The following DIS3L variants were observed in gnomAD, a reference collection of about 807,000 sequenced individuals.
DIS3L encodes the protein DIS3 like exosome 3'-5' exoribonuclease.
Under a neutral mutation model 120.3 loss-of-function variants are expected in DIS3L, and 100 were observed. The observed-to-expected ratio is 0.83, with a 90% CI of 0.71 to 0.98. The LOEUF is 0.98. Ranked by LOEUF, DIS3L falls within the 50% of genes least tolerant of loss-of-function variation. The probability of loss-of-function intolerance (pLI) is 0.00; values close to 1 mark genes in which losing one functional copy is unlikely to be tolerated. For missense variants in DIS3L, 1,196 were observed against 1,314.2 expected (o/e 0.91, Z 1.39); for synonymous variants, 426 against 470.6 (o/e 0.91, Z 1.23).
At chr15:66,299,203 T>C (rs958156763) in intron 2 of DIS3L, among the ~76,000 whole-genome samples, 2 of 152,130 alleles carry the variant, frequency 1.3e-5, no homozygotes, top group East Asian at 3.9e-4. Context: ...GCCTCAGGGA[T>C]GTCAGGGAAA....
At chr15:66,308,451 A>G (rs1395868533) in intron 3 of DIS3L, among the ~76,000 whole-genome samples, 1 of 152,226 alleles carries the variant, frequency 6.6e-6, no homozygotes, top group East Asian at 1.9e-4. Flanking sequence ...TTTCTAGGCC[A>G]TATCAAGAAA....
At position 66,326,099 on chromosome 15, in the gene DIS3L, T is replaced by A. The variant is rs746489369; in HGVS notation, c.1936T>A (p.Cys646Ser). 6.2e-7 allele frequency: 1 copy of A among 1,614,178 alleles called. No individual in the cohort carries two copies. The highest frequency in any genetic ancestry group is 8.5e-7 in the Non-Finnish European group (1 of 1,180,024). ...ARHVRAKRDG[C>S]GALELEGVEV... The stretch of plus-strand genomic sequence containing the variant: ...CCATGTCAGAGCTAAACGAGACGGA[T>A]GTGGTGCCCTGGAACTGGAAGGGGT... The change falls in exon 12 of 17, where the codon TGT becomes AGT. Residue 646 changes from cysteine (C) to serine (S), a missense_variant. Coordinates refer to ENST00000319212, the MANE Select transcript of DIS3L (RefSeq NM_001143688.3).
chr15:66,294,936 A>C, intron 1 of DIS3L, 52 bp from the exon 2 acceptor site: 1 of 1,519,448 alleles, frequency 6.6e-7, no homozygotes, highest in Non-Finnish European at 8.9e-7. Flanking sequence ...CATTTAAATA[A>C]ACCAGGTTTG....
intron 1 of DIS3L, chr15:66,294,563 C>G: frequency 1.0e-6 from 1 of 987,504 alleles, no homozygotes; most frequent in Non-Finnish European, 1.2e-6. Flanking sequence ...CTTTCTGGCC[C>G]TTGGAGGCTG....
intron 12 of DIS3L, among the ~76,000 whole-genome samples, chr15:66,327,765 T>A (rs2092954182): frequency 6.6e-6 from 1 of 150,480 alleles, no homozygotes; most frequent in African/African-American, 2.4e-5. Flanking sequence ...AATAAATAAA[T>A]AAAAACTAAG....
At chr15:66,297,448 A>G (rs2092600073) in intron 2 of DIS3L, among the ~76,000 whole-genome samples, 1 of 152,238 alleles carries the variant, frequency 6.6e-6, no homozygotes, top group South Asian at 2.1e-4. Flanking sequence ...TATTTTTAAA[A>G]ATCATATATA....
At chr15:66,293,409 G>A (rs1421658101), upstream of DIS3L, 2 of 1,131,646 alleles carry the variant, frequency 1.8e-6, no homozygotes, top group African/African-American at 3.3e-5. Context: ...AGGCCACTGA[G>A]GGAAGGGAAG....
At chr15:66,312,052 T>A in intron 5 of DIS3L, 152 bp downstream of exon 5, 2 of 894,974 alleles carry the variant, frequency 2.2e-6, no homozygotes, top group Non-Finnish European at 3.3e-6. Flanking sequence ...AGAAAAAATT[T>A]AAAAATTAGC....
intron 11 of DIS3L, 30 bp from the exon 12 acceptor site, chr15:66,325,801 G>A: frequency 6.4e-7 from 1 of 1,564,072 alleles, no homozygotes; most frequent in Non-Finnish European, 8.7e-7. Context: ...AATTTGAATA[G>A]TGATGTTGTC....
Position 66,326,332 on chromosome 15 carries a change from T to G in DIS3L, c.2169T>G (p.Cys723Trp). The change falls in exon 12 of 17, where the codon TGT (cysteine) becomes TGG (tryptophan). Residue 723 changes from cysteine (C) to tryptophan (W), a missense_variant. Coordinates refer to ENST00000319212, the MANE Select transcript of DIS3L (RefSeq NM_001143688.3). ...HQEFFSELRE[C>W]AKAKGFFIDT... ...AGTTCTTTTCAGAACTCCGGGAATG[T>G]GCTAAAGCCAAAGGCTTCTTCATAG... 1 of 1,614,164 alleles carries G rather than the reference T, an allele frequency of 6.2e-7. No homozygotes were observed. The highest frequency in any genetic ancestry group is 1.3e-5 in the African/African-American group (1 of 75,040).
chr15:66,333,501 C>G lies in DIS3L; in HGVS notation c.*189C>G. 2.0e-6 allele frequency: 1 copy of G among 508,814 alleles called. No individual in the cohort carries two copies. Among genetic ancestry groups the G allele is most frequent in the South Asian group, 2.8e-5 (1 of 35,680 alleles). The allele number at this position is 508,814 out of a possible 1,614,324, so 31.5% of individuals were successfully genotyped here. Reference sequence around the variant, plus strand: ...ACCCCAGCACTTTGGGAGGCTGAGGCGGGCGGATCACGAGGTCAGGAGATT... The same window carrying G: ...ACCCCAGCACTTTGGGAGGCTGAGGGGGGCGGATCACGAGGTCAGGAGATT... On this transcript the variant is annotated 3_prime_UTR_variant, in exon 17 of 17. Coordinates refer to ENST00000319212, the MANE Select transcript of DIS3L (RefSeq NM_001143688.3).
chr15:66,315,031 C>G lies in DIS3L; in HGVS notation c.815-5C>G. 1 of 1,613,066 alleles carries G rather than the reference C, an allele frequency of 6.2e-7. No individual in the cohort carries two copies. Among genetic ancestry groups the G allele is most frequent in the Non-Finnish European group, 8.5e-7 (1 of 1,179,196 alleles). On this transcript the variant is annotated splice_polypyrimidine_tract_variant and splice_region_variant and intron_variant, in intron 6 of 16. Transcript: ENST00000319212. ...TGGGTTTTTTCTGTGCTGCCCCAAA[C>G]ACAGATTTAGTCAGTGACATCCTAA...
At chr15:66,307,491 G>A (rs1292876630) in intron 3 of DIS3L, among the ~76,000 whole-genome samples, 1 of 151,946 alleles carries the variant, frequency 6.6e-6, no homozygotes, top group East Asian at 1.9e-4. Flanking sequence ...TTGTAGAAAC[G>A]GGGTCCCATT....
chr15:66,302,109 G>A (rs9806600), intron 2 of DIS3L, among the ~76,000 whole-genome samples: 14,972 of 151,978 alleles, frequency 0.099, 760 homozygotes, highest in African/African-American at 0.13. Flanking sequence ...GGTGGCTCAC[G>A]CCCAGCACGT....
intron 11 of DIS3L, 78 bp from the exon 12 acceptor site, chr15:66,325,753 C>T: frequency 1.3e-6 from 2 of 1,483,264 alleles, no homozygotes; most frequent in South Asian, 2.7e-5. Flanking sequence ...AGAGCAAGAT[C>T]CTGTCTCAAA....
intron 4 of DIS3L, among the ~76,000 whole-genome samples, chr15:66,311,072 A>G (rs1177818300): frequency 2.0e-5 from 3 of 150,634 alleles, no homozygotes; most frequent in Admixed American, 1.3e-4. Flanking sequence ...AAAAAAAAAA[A>G]AGACAAGAAT....
Position 66,309,094 on chromosome 15 carries a change from A to AAAAAAAAAAATATATAT in DIS3L, c.558+251_558+252insAAAAAAAAATATATATA. Among the ~76,000 whole-genome samples the AAAAAAAAAAATATATAT allele has an allele frequency of 2.2e-3, 34 of 15,314 alleles. 2 individuals are homozygous for AAAAAAAAAAATATATAT. The highest frequency in any genetic ancestry group is 3.3e-3 in the Non-Finnish European group (27 of 8,306). The allele number at this position is 15,314 out of a possible 152,430, so 10.0% of individuals were successfully genotyped here. ...CTTGTCTCTACAGAAAAAAAAAAAA[A>AAAAAAAAAAATATATAT]ATATATATATCTCCAAGCATGGTGG... is the stretch of plus-strand genomic sequence containing the variant. On this transcript the variant is annotated intron_variant, in intron 4 of 16. Coordinates refer to ENST00000319212, the MANE Select transcript of DIS3L (RefSeq NM_001143688.3).
At chr15:66,316,677 G>A (rs528307505) in intron 7 of DIS3L, among the ~76,000 whole-genome samples, 4 of 152,226 alleles carry the variant, frequency 2.6e-5, no homozygotes, top group African/African-American at 9.6e-5. Context: ...TTAGCCGGGC[G>A]AGGTGGTGCA....
intron 10 of DIS3L, 64 bp from the exon 11 acceptor site, chr15:66,323,427 CCA>C (rs1364489902): frequency 1.3e-4 from 194 of 1,550,166 alleles, no homozygotes; most frequent in Non-Finnish European, 1.6e-4. Flanking sequence ...TCCCTGCGGC[CCA>C]CACAGTCAGC....
Sources: allele counts gnomAD v4.1 joint callset (sites outside exome capture counted in the v4.1 genomes callset), GRCh38; gene constraint gnomAD v4.1.1; transcripts MANE v1.5; gene names NCBI Gene and HGNC (gene_info 2026-07-23, HGNC 2026-07-21).